The following KLHL7 variants were observed in gnomAD, a reference collection of about 807,000 sequenced individuals.
KLHL7 encodes kelch-like protein 7.
Under a neutral mutation model 67.4 loss-of-function variants are expected in KLHL7, and 44 were observed. The ratio of observed to expected loss-of-function variants is 0.65; its 90% CI spans 0.51 to 0.84. The LOEUF is 0.84. Ranked by LOEUF, KLHL7 falls within the 40% of genes least tolerant of loss-of-function variation. The probability of loss-of-function intolerance (pLI) is 0.00; values close to 1 mark genes in which losing one functional copy is unlikely to be tolerated. For synonymous variants in KLHL7, 252 were observed against 243.3 expected (o/e 1.04, Z -0.33); for missense variants, 362 against 718.1 (o/e 0.50, Z 5.67).
chr7:23,111,297 A>G (rs1782859279), intron 1 of KLHL7, among the ~76,000 whole-genome samples: 2 of 152,180 alleles, frequency 1.3e-5, no homozygotes, highest in Admixed American at 6.5e-5. Flanking sequence ...TTGGAGACCT[A>G]CTTTATTATA....
At chr7:23,119,321 C>T (rs1416971048) in intron 1 of KLHL7, among the ~76,000 whole-genome samples, 1 of 152,122 alleles carries the variant, frequency 6.6e-6, no homozygotes, top group African/African-American at 2.4e-5. Flanking sequence ...TCTCATGCCT[C>T]AGCCTCCTGA....
At chr7:23,148,516 G>A (rs984974262) in intron 6 of KLHL7, among the ~76,000 whole-genome samples, 3 of 152,114 alleles carry the variant, frequency 2.0e-5, no homozygotes, top group African/African-American at 7.2e-5. Flanking sequence ...CTCTTTAAAT[G>A]CAGAGAGGAA....
chr7:23,121,917 T>C (rs757835252), intron 1 of KLHL7, among the ~76,000 whole-genome samples: 43 of 152,126 alleles, frequency 2.8e-4, no homozygotes, highest in Non-Finnish European at 4.7e-4. Flanking sequence ...CTGCTGACCT[T>C]GTGATCCGCC....
At chr7:23,134,876 G>T (rs548541121) in intron 4 of KLHL7, among the ~76,000 whole-genome samples, 1 of 151,658 alleles carries the variant, frequency 6.6e-6, no homozygotes, top group South Asian at 2.1e-4. Flanking sequence ...TGTCCATTTT[G>T]TTTTAACTTT....
intron 1 of KLHL7, chr7:23,106,444 A>G (rs1782643129): frequency 1.6e-6 from 2 of 1,243,068 alleles, no homozygotes; most frequent in Non-Finnish European, 2.0e-6. Context: ...TGCCCTAGTT[A>G]TCTCTTTGTG....
chr7:23,126,911 C>G (rs1783594866), intron 4 of KLHL7, among the ~76,000 whole-genome samples: 1 of 152,176 alleles, frequency 6.6e-6, no homozygotes, highest in Admixed American at 6.5e-5. Flanking sequence ...GAAAAGATCC[C>G]TATATTAGAA....
chr7:23,140,722 T>A, intron 4 of KLHL7, 47 bp from the exon 5 acceptor site: 1 of 1,557,712 alleles, frequency 6.4e-7, no homozygotes, highest in Non-Finnish European at 8.8e-7. Context: ...TATACTTGGT[T>A]TTTCTAAAAA....
At chr7:23,106,516 C>T in intron 1 of KLHL7, 1 of 1,135,028 alleles carries the variant, frequency 8.8e-7, no homozygotes, top group Non-Finnish European at 1.1e-6. Flanking sequence ...TGTGAAGAAA[C>T]CCGTTGGCAT....
At chr7:23,135,774 G>T (rs1783954692) in intron 4 of KLHL7, among the ~76,000 whole-genome samples, 1 of 151,876 alleles carries the variant, frequency 6.6e-6, no homozygotes, top group Non-Finnish European at 1.5e-5. Flanking sequence ...AAAATAAGTT[G>T]GTCTTAAAAC....
intron 5 of KLHL7, 84 bp downstream of exon 5, chr7:23,141,028 G>T (rs1784164156): frequency 8.9e-7 from 1 of 1,120,142 alleles, no homozygotes; most frequent in Middle Eastern, 1.9e-4. Flanking sequence ...ACATGACAAG[G>T]GAAAGAGTCA....
At chr7:23,126,962 C>T (rs1336920441) in intron 4 of KLHL7, among the ~76,000 whole-genome samples, 4 of 152,196 alleles carry the variant, frequency 2.6e-5, no homozygotes, top group Non-Finnish European at 5.9e-5. Flanking sequence ...ACAGCAGAGA[C>T]ACTCTGGCAT....
intron 9 of KLHL7, among the ~76,000 whole-genome samples, chr7:23,169,389 A>T (rs1484621375): frequency 6.6e-6 from 1 of 152,248 alleles, no homozygotes; most frequent in African/African-American, 2.4e-5. Flanking sequence ...TTCCAGTGCA[A>T]ATAATAGAAA....
intron 7 of KLHL7, among the ~76,000 whole-genome samples, chr7:23,154,055 A>G (rs761698513): frequency 1.3e-5 from 2 of 152,220 alleles, no homozygotes; most frequent in African/African-American, 2.4e-5. Flanking sequence ...CTGTGTTCCA[A>G]TAAGACTTTA....
At position 23,165,689 on chromosome 7, in the gene KLHL7, C is replaced by A. The variant is rs1784984867; in HGVS notation, c.937-9C>A. The A allele has an allele frequency of 6.2e-7, 1 of 1,614,058 alleles. No individual in the cohort carries two copies. Among genetic ancestry groups the A allele is most frequent in the African/African-American group, 1.3e-5 (1 of 75,038 alleles). On this transcript the variant is annotated splice_polypyrimidine_tract_variant and intron_variant, in intron 7 of 10. Transcript: ENST00000339077. Reference sequence around the variant, plus strand: ...CTTACTGAAAGCTTCCCATCCTTTTCTGCTACAGGATTATAGCTGGACAGA... The same window carrying A: ...CTTACTGAAAGCTTCCCATCCTTTTATGCTACAGGATTATAGCTGGACAGA...
rs1562577226 is a variant in KLHL7, at chr7:23,146,669, T to TTCTTCTTC, written c.793+2645_793+2646insCTTCTTCT. ...TCTTCTTCTTCTTCTTCTTCTTCTT[T>TTCTTCTTC]TTTTTTTAATTTTAAGGCTATATCT... is the stretch of plus-strand genomic sequence containing the variant. On this transcript the variant is annotated intron_variant, in intron 6 of 10. Coordinates refer to ENST00000339077, the MANE Select transcript of KLHL7 (RefSeq NM_001031710.3). Among the ~76,000 whole-genome samples, 8 of 137,734 alleles carry TTCTTCTTC rather than the reference T, an allele frequency of 5.8e-5. No homozygotes were observed. In the East Asian group the frequency reaches 1.6e-3, roughly 27 times the overall value. 90.4% of individuals were successfully genotyped at this position (137,734 alleles called of 152,430 possible). A position where few individuals can be genotyped will look rare whatever the true frequency, so the allele number is the denominator to read the frequency against.
Position 23,174,180 on chromosome 7 carries a change from A to G in KLHL7, c.1643A>G (p.Tyr548Cys), listed in dbSNP as rs761006395. 2.5e-6 allele frequency: 4 copies of G among 1,614,208 alleles called. No individual in the cohort carries two copies. The highest frequency in any genetic ancestry group is 8.5e-7 in the Non-Finnish European group (1 of 1,180,018). The change falls in exon 11 of 11, where the codon TAT (tyrosine) becomes TGT (cysteine). Residue 548 changes from tyrosine (Y) to cysteine (C), a missense_variant. Around this residue, in one of 5 missense-constraint regions of KLHL7, gnomAD observed 136 missense variants for 252.7 expected, o/e 0.54. Transcript: ENST00000339077. ...GGTCGATTAGGACACATTCTCGAAT[A>G]TAATACCGAAACAGACAAATGGGTT... ...GVGRLGHILE[Y>C]NTETDKWVAN... is the part of the protein sequence containing the mutation.
chr7:23,134,837 C>G (rs1043037680), intron 4 of KLHL7, among the ~76,000 whole-genome samples: 3 of 151,942 alleles, frequency 2.0e-5, no homozygotes, highest in African/African-American at 4.8e-5. Context: ...TGGATCTTCT[C>G]TCTCATTTTC....
At chr7:23,173,964 T>G in intron 10 of KLHL7, 51 bp from the exon 11 acceptor site, 1 of 1,559,622 alleles carries the variant, frequency 6.4e-7, no homozygotes, top group Non-Finnish European at 8.8e-7. Context: ...TAAGAAACCT[T>G]AGAATTGTTG....
At chr7:23,120,868 CTA>C (rs1783305989) in intron 1 of KLHL7, among the ~76,000 whole-genome samples, 1 of 152,186 alleles carries the variant, frequency 6.6e-6, no homozygotes, top group African/African-American at 2.4e-5. Flanking sequence ...CAGCCTGAAT[CTA>C]TTACTGTTAA....
Sources: gnomAD v4.1 joint callset for allele counts (sites outside exome capture counted in the v4.1 genomes callset) on GRCh38, gnomAD v4.1.1 for gene constraint, gnomAD v4.1.1 regional missense constraint, MANE v1.5 for transcripts, NCBI Gene and HGNC (gene_info 2026-07-23, HGNC 2026-07-21) for gene names.